DCLK1: variants seen among roughly 807,000 people sequenced by gnomAD.
DCLK1 encodes the protein serine/threonine-protein kinase DCLK1.
A neutral mutation model predicts 86.2 loss-of-function variants in DCLK1; 16 were observed. The observed-to-expected ratio is 0.19, with a 90% CI of 0.13 to 0.28. The LOEUF is 0.28. Ranked by LOEUF, DCLK1 falls within the 10% of genes least tolerant of loss-of-function variation. The pLI, the probability that DCLK1 is intolerant of heterozygous loss-of-function variation, is 1.00. For missense variants in DCLK1, 590 were observed against 940.2 expected, an observed-to-expected ratio of 0.63 and a Z score of 4.87; for synonymous variants, 369 against 370.5, an observed-to-expected ratio of 1.00 and a Z score of 0.05.
At chr13:35,842,914 C>T (rs556223247) in intron 6 of DCLK1, among the ~76,000 whole-genome samples, 2 of 152,284 alleles carry the variant, frequency 1.3e-5, no homozygotes, top group South Asian at 2.1e-4. Context: ...TTCACTAAAC[C>T]ACCTAAATAG....
intron 4 of DCLK1, among the ~76,000 whole-genome samples, chr13:35,942,125 T>C (rs1877117036): frequency 6.6e-6 from 1 of 152,160 alleles, no homozygotes; most frequent in African/African-American, 2.4e-5. Flanking sequence ...CTCTCCTCCC[T>C]GATGGTTCGA....
chr13:35,880,911 G>C (rs1272585374), intron 4 of DCLK1, among the ~76,000 whole-genome samples: 1 of 152,136 alleles, frequency 6.6e-6, no homozygotes, highest in East Asian at 1.9e-4. Context: ...TGAGAGATTT[G>C]AATAAATCAA....
intron 3 of DCLK1, among the ~76,000 whole-genome samples, chr13:35,988,931 C>G (rs1293651424): frequency 2.6e-5 from 4 of 152,166 alleles, no homozygotes; most frequent in Non-Finnish European, 5.9e-5. Context: ...GTATCATCAG[C>G]ACACGCCATG....
chr13:36,042,798 A>G (rs1882741668), intron 3 of DCLK1, among the ~76,000 whole-genome samples: 1 of 152,186 alleles, frequency 6.6e-6, no homozygotes, highest in Non-Finnish European at 1.5e-5. Context: ...ATTTTAAAGG[A>G]AGTTAGAGCA....
intron 3 of DCLK1, among the ~76,000 whole-genome samples, chr13:36,015,028 CT>C: frequency 6.6e-6 from 1 of 150,582 alleles, no homozygotes; most frequent in Non-Finnish European, 1.5e-5. Context: ...CTCTCTCTCT[CT>C]CCCTATCCGC....
chr13:35,777,060 T>C (rs2086435920), intron 16 of DCLK1, among the ~76,000 whole-genome samples: 1 of 152,244 alleles, frequency 6.6e-6, no homozygotes, highest in Admixed American at 6.5e-5. Flanking sequence ...CCTGTCCCTG[T>C]TGAAGTAGTC....
intron 15 of DCLK1, among the ~76,000 whole-genome samples, chr13:35,804,809 T>C (rs917684128): frequency 1.3e-5 from 2 of 152,192 alleles, no homozygotes; most frequent in Non-Finnish European, 2.9e-5. Context: ...ATAATGACTC[T>C]GCTCTGGAGA....
At chr13:35,826,540 A>AGGAGGGAAGGAAGGAAGGAAGGAAGG (rs1382422000) in intron 10 of DCLK1, among the ~76,000 whole-genome samples, 5 of 92,794 alleles carry the variant, frequency 5.4e-5, no homozygotes, top group African/African-American at 1.6e-4. Flanking sequence ...AAAAAAAAAA[A>AGGAGGGAAGGAAGGAAGGAAGGAAGG]AAGAAAGAAA....
At chr13:35,894,732 T>C (rs1322084563) in intron 4 of DCLK1, among the ~76,000 whole-genome samples, 1 of 152,094 alleles carries the variant, frequency 6.6e-6, no homozygotes, top group Non-Finnish European at 1.5e-5. Context: ...TCTTCCCTCC[T>C]GAGCCCGCCA....
At chr13:35,981,329 CT>C (rs1359286538) in intron 3 of DCLK1, among the ~76,000 whole-genome samples, 1 of 151,898 alleles carries the variant, frequency 6.6e-6, no homozygotes, top group African/African-American at 2.4e-5. Context: ...AAAATATATA[CT>C]TTTTTTAAGG....
chr13:35,834,857 G>A (rs541452604), intron 8 of DCLK1, among the ~76,000 whole-genome samples: 2 of 152,312 alleles, frequency 1.3e-5, no homozygotes, highest in African/African-American at 4.8e-5. Context: ...TTGCTGAAGT[G>A]TTGGAGTAGA....
intron 3 of DCLK1, among the ~76,000 whole-genome samples, chr13:35,960,578 C>A (rs1434524058): frequency 6.6e-6 from 1 of 152,216 alleles, no homozygotes; most frequent in Non-Finnish European, 1.5e-5. Context: ...CTGCCTCAGC[C>A]TCCCCAGGAG....
intron 3 of DCLK1, among the ~76,000 whole-genome samples, chr13:35,987,164 G>A (rs1342649239): frequency 6.6e-6 from 1 of 152,194 alleles, no homozygotes; most frequent in African/African-American, 2.4e-5. Flanking sequence ...GCTCACGCCT[G>A]TAATCCCAGC....
At chr13:35,983,444 A>G (rs1177566190) in intron 3 of DCLK1, among the ~76,000 whole-genome samples, 1 of 152,154 alleles carries the variant, frequency 6.6e-6, no homozygotes, top group Non-Finnish European at 1.5e-5. Context: ...TGGTCCTTCC[A>G]TCACCAAGTG....
At chr13:35,981,696 T>C (rs1879647491) in intron 3 of DCLK1, among the ~76,000 whole-genome samples, 2 of 152,254 alleles carry the variant, frequency 1.3e-5, no homozygotes, top group Non-Finnish European at 2.9e-5. Flanking sequence ...CTTCTGTTGA[T>C]GGACACTTGG....
chr13:35,902,702 G>A lies in DCLK1; in HGVS notation c.824-31362C>T, dbSNP rs540326225. 6.6e-5 allele frequency among the ~76,000 whole-genome samples: 10 copies of A among 152,192 alleles called. No individual in the cohort carries two copies. In the East Asian group the frequency reaches 1.9e-3, roughly 29 times the overall value. On this transcript the variant is annotated intron_variant, in intron 4 of 16. Transcript: ENST00000360631. ...GTGTTGTCCAGTTCTTAAGGCGGTG[G>A]GGGGTGCTGTGACAATGACAGGTGA...
intron 4 of DCLK1, among the ~76,000 whole-genome samples, chr13:35,919,051 G>A (rs12716672): frequency 0.21 from 32,111 of 151,408 alleles, 3,610 homozygotes; most frequent in East Asian, 0.39. Context: ...ACAGGCATGC[G>A]CCACCATGCT....
At chr13:35,879,911 A>G (rs748477155) in intron 4 of DCLK1, among the ~76,000 whole-genome samples, 1 of 152,130 alleles carries the variant, frequency 6.6e-6, no homozygotes, top group Non-Finnish European at 1.5e-5. Flanking sequence ...TATGTGACCA[A>G]AAACGTCCCC....
intron 16 of DCLK1, among the ~76,000 whole-genome samples, chr13:35,789,515 C>G (rs947185607): frequency 6.6e-6 from 1 of 152,170 alleles, no homozygotes; most frequent in Non-Finnish European, 1.5e-5. Context: ...CTATTGCCAT[C>G]TACAGGCAAA....
Sources: gnomAD v4.1 joint callset for allele counts (sites outside exome capture counted in the v4.1 genomes callset) on GRCh38, gnomAD v4.1.1 for gene constraint, MANE v1.5 for transcripts, NCBI Gene and HGNC (gene_info 2026-07-23, HGNC 2026-07-21) for gene names.